Variants in PCYT1B observed in about 807,000 individuals in gnomAD.
The protein encoded by PCYT1B is choline-phosphate cytidylyltransferase B.
A neutral mutation model predicts 26.4 loss-of-function variants in PCYT1B; 10 were observed. The observed-to-expected ratio is 0.38, with a 90% CI of 0.23 to 0.64. PCYT1B has a LOEUF of 0.64. Ranked by LOEUF, PCYT1B falls within the 30% of genes least tolerant of loss-of-function variation. PCYT1B has a pLI of 0.56. For missense variants in PCYT1B, 161 were observed against 292.7 expected (o/e 0.55, Z 3.28); for synonymous variants, 131 against 108.4 (o/e 1.21, Z -1.29).
intron 1 of PCYT1B, among the ~76,000 whole-genome samples, chrX:24,643,290 A>C (rs1043762487): frequency 1.4e-4 from 10 of 72,379 alleles, no homozygotes; most frequent in Non-Finnish European, 2.8e-4. Context: ...TTAGATTTCC[A>C]AGAAGGGCTA....
At chrX:24,576,076 T>A (rs1352736378) in intron 6 of PCYT1B, among the ~76,000 whole-genome samples, 2 of 112,468 alleles carry the variant, frequency 1.8e-5, no homozygotes, top group African/African-American at 6.5e-5. Flanking sequence ...TGACAATGCA[T>A]GCAAAGTGCT....
At chrX:24,672,767 C>A, upstream of PCYT1B, 1 of 456,393 alleles carries the variant, frequency 2.2e-6, no homozygotes, top group East Asian at 3.6e-5. Flanking sequence ...CAAAGATAAG[C>A]TCGGAGGAGC....
chrX:24,620,935 C>T (rs775724451), intron 1 of PCYT1B, among the ~76,000 whole-genome samples: 13 of 111,873 alleles, frequency 1.2e-4, no homozygotes, highest in Admixed American at 9.5e-4. Context: ...TCTAATAGGC[C>T]GGCCCATCAT....
chrX:24,660,367 T>G (rs998305074), intron 1 of PCYT1B, among the ~76,000 whole-genome samples: 1 of 112,207 alleles, frequency 8.9e-6, no homozygotes, highest in Non-Finnish European at 1.9e-5. Context: ...AAATGCCAGA[T>G]GAGAGGCCAT....
chrX:24,650,808 AT>A (rs963579149), upstream of PCYT1B, among the ~76,000 whole-genome samples: 2 of 112,356 alleles, frequency 1.8e-5, no homozygotes, highest in Admixed American at 9.5e-5. Flanking sequence ...CACACAAATA[AT>A]TATGTACAAA....
chrX:24,624,961 C>A (rs759859948), intron 1 of PCYT1B, among the ~76,000 whole-genome samples: 32 of 112,690 alleles, frequency 2.8e-4, no homozygotes, highest in African/African-American at 7.4e-4. Flanking sequence ...CTTGACAGAG[C>A]CTTGGTTAAT....
intron 7 of PCYT1B, among the ~76,000 whole-genome samples, chrX:24,565,272 C>T (rs1923585937): frequency 9.0e-6 from 1 of 111,711 alleles, no homozygotes; most frequent in African/African-American, 3.3e-5. Context: ...TGATACAAAA[C>T]TGGCCCTGAA....
chrX:24,564,733 A>G (rs1283262953), intron 7 of PCYT1B, among the ~76,000 whole-genome samples: 1 of 110,782 alleles, frequency 9.0e-6, no homozygotes, highest in African/African-American at 3.3e-5. Flanking sequence ...CAGCTCCCAA[A>G]TTCCCTCATG....
chrX:24,647,657 G>C (rs1926673096), upstream of PCYT1B, among the ~76,000 whole-genome samples: 1 of 112,594 alleles, frequency 8.9e-6, no homozygotes, highest in South Asian at 3.7e-4. Flanking sequence ...GGATGAGCTA[G>C]TGCATGATGT....
chrX:24,590,493 T>C (rs1004137273), intron 3 of PCYT1B, among the ~76,000 whole-genome samples: 1 of 111,929 alleles, frequency 8.9e-6, no homozygotes, highest in Non-Finnish European at 1.9e-5. Context: ...CAGTGAAAAT[T>C]ACCATTCAGA....
chrX:24,607,858 T>G lies in PCYT1B; in HGVS notation c.221A>C (p.Asp74Ala). 2 of 1,107,459 alleles carry G rather than the reference T, an allele frequency of 1.8e-6. No homozygotes were observed. Among genetic ancestry groups the G allele is most frequent in the Non-Finnish European group, 1.2e-6 (1 of 807,610 alleles). The allele number at this position is 1,107,459 out of a possible 1,213,427, so 91.3% of individuals were successfully genotyped here. The change falls in exon 3 of 8, where the codon GAC (aspartate) becomes GCC (alanine). Residue 74 changes from aspartate to alanine, a missense_variant. Asp to Ala is a moderately radical substitution (Grantham distance 126, BLOSUM62 -2). This residue lies in a region of PCYT1B where 65 missense variants were observed against 145.0 expected (regional missense o/e 0.45). Transcript: ENST00000379144. Reference sequence around the variant, plus strand: ...ATCGGCGTATACTCTGACAGGCCTGTCAGCTGTGGGAGAAAGAAAACACTG... The same window carrying G: ...ATCGGCGTATACTCTGACAGGCCTGGCAGCTGTGGGAGAAAGAAAACACTG... ...IAQARLGTPA[D>A]RPVRVYADGI...
chrX:24,600,171 T>G (rs1227168773), intron 3 of PCYT1B, among the ~76,000 whole-genome samples: 2 of 111,538 alleles, frequency 1.8e-5, no homozygotes, highest in Non-Finnish European at 3.8e-5. Context: ...CCTCCCAAAG[T>G]GCTGGGATTA....
At chrX:24,613,034 T>C (rs181156891) in intron 2 of PCYT1B, among the ~76,000 whole-genome samples, 3 of 112,099 alleles carry the variant, frequency 2.7e-5, no homozygotes, top group African/African-American at 3.2e-5. Flanking sequence ...GAAAGTAGAC[T>C]TATCATTTCA....
rs1438099270 is a variant in PCYT1B at position 24,578,671 on chromosome X, C to T, written c.708+645G>A. On this transcript the variant is annotated intron_variant, in intron 6 of 7. Coordinates refer to ENST00000379144, the MANE Select transcript of PCYT1B (RefSeq NM_004845.5). ...CCTTAATCAAATGAAAATTTTAAAACGTTAGAATAAAAAAGTTTCTCTGGG... is the reference window on the plus strand; with the variant it reads ...CCTTAATCAAATGAAAATTTTAAAATGTTAGAATAAAAAAGTTTCTCTGGG... 2.7e-5 allele frequency among the ~76,000 whole-genome samples: 3 copies of T among 111,496 alleles called. No homozygotes were observed. In the East Asian group the frequency reaches 8.4e-4, roughly 31 times the overall value.
chrX:24,575,533 G>C (rs950590924), intron 6 of PCYT1B, among the ~76,000 whole-genome samples: 2 of 112,494 alleles, frequency 1.8e-5, no homozygotes, highest in East Asian at 5.5e-4. Context: ...GATATGTAAA[G>C]GGAACTACAA....
chrX:24,587,137 T>C (rs1255561339), intron 5 of PCYT1B, 104 bp downstream of exon 5: 8 of 550,258 alleles, frequency 1.5e-5, no homozygotes, highest in Non-Finnish European at 2.1e-5. Flanking sequence ...AAGTTGTAAC[T>C]CCCTGTTTGT....
intron 6 of PCYT1B, among the ~76,000 whole-genome samples, chrX:24,578,057 T>C (rs1924077221): frequency 9.0e-6 from 1 of 111,591 alleles, no homozygotes; most frequent in Middle Eastern, 4.2e-3. Context: ...GTTGCAGCAC[T>C]ATTCACAATA....
chrX:24,580,842 T>C (rs1924185021), intron 5 of PCYT1B, among the ~76,000 whole-genome samples: 1 of 111,438 alleles, frequency 9.0e-6, no homozygotes, highest in South Asian at 3.8e-4. Flanking sequence ...TCTTGGTTTG[T>C]AGACGTGGGC....
chrX:24,651,470 AAAATATATATATATATATATATATAT>A (rs1448206546), upstream of PCYT1B, among the ~76,000 whole-genome samples: 9 of 37,105 alleles, frequency 2.4e-4, no homozygotes, highest in East Asian at 6.7e-3. Flanking sequence ...AAAAAAAAAA[AAAATATATATATATATATATATATAT>A]ATATATATAT....
Sources: gnomAD v4.1 joint callset for allele counts (sites outside exome capture counted in the v4.1 genomes callset) on GRCh38, gnomAD v4.1.1 for gene constraint, gnomAD v4.1.1 regional missense constraint, MANE v1.5 for transcripts, NCBI Gene and HGNC (gene_info 2026-07-23, HGNC 2026-07-21) for gene names.